The following SKIC3 variants were observed in gnomAD, a reference collection of about 807,000 sequenced individuals.
SKIC3 encodes SKI3 subunit of superkiller complex.
the SKIC3 span, chr5:95,522,334 C>T: frequency 6.2e-7 from 1 of 1,610,384 alleles, no homozygotes; most frequent in Non-Finnish European, 8.5e-7. Flanking sequence ...CGTAAGAGAA[C>T]TAAAAGTATG....
At chr5:95,550,434 A>T in the SKIC3 span, 1 of 151,674 alleles carries the variant, frequency 6.6e-6, no homozygotes, top group African/African-American at 2.4e-5. Flanking sequence ...ATCTAATAAC[A>T]AAAGGTATTT....
At chr5:95,526,086 T>C in the SKIC3 span, among the ~76,000 whole-genome samples, 1 of 152,160 alleles carries the variant, frequency 6.6e-6, no homozygotes, top group African/African-American at 2.4e-5. Flanking sequence ...ATAACCACAT[T>C]ACCATTATCA....
At chr5:95,537,034 T>A in the SKIC3 span, 6 of 1,612,500 alleles carry the variant, frequency 3.7e-6, no homozygotes, top group Non-Finnish European at 5.1e-6. Context: ...ATTTAAAAAA[T>A]CAACTTACTT....
the SKIC3 span, chr5:95,541,396 AAC>A: frequency 6.6e-5 from 107 of 1,609,640 alleles, no homozygotes; most frequent in South Asian, 7.7e-5. Context: ...AACAAAACAA[AAC>A]ACACACACAC....
At chr5:95,490,504 A>ATATT in the SKIC3 span, among the ~76,000 whole-genome samples, 7,089 of 144,076 alleles carry the variant, frequency 0.049, 217 homozygotes, top group East Asian at 0.092. Context: ...ATATATATAT[A>ATATT]TTTTTTTTTT....
chr5:95,532,620 T>C, the SKIC3 span, among the ~76,000 whole-genome samples: 10 of 152,196 alleles, frequency 6.6e-5, no homozygotes, highest in Non-Finnish European at 8.8e-5. Context: ...ATAGAATTCA[T>C]TGCTTTTGAA....
At chr5:95,509,487 T>C in the SKIC3 span, 4 of 831,876 alleles carry the variant, frequency 4.8e-6, no homozygotes, top group East Asian at 1.1e-4. Flanking sequence ...GGCGTGAACA[T>C]CCCCTGGCTT....
chr5:95,525,233 T>C, the SKIC3 span, among the ~76,000 whole-genome samples: 15 of 152,190 alleles, frequency 9.9e-5, no homozygotes, highest in Non-Finnish European at 1.6e-4. Flanking sequence ...TTATAGCTAC[T>C]GTACTACATG....
At chr5:95,548,033 T>C in the SKIC3 span, among the ~76,000 whole-genome samples, 1 of 152,226 alleles carries the variant, frequency 6.6e-6, no homozygotes, top group Admixed American at 6.5e-5. Flanking sequence ...AAGTATTTCT[T>C]CATTTAGTCT....
the SKIC3 span, chr5:95,537,225 A>G: frequency 8.6e-7 from 1 of 1,157,008 alleles, no homozygotes; most frequent in East Asian, 2.5e-5. Context: ...CACAAACTAC[A>G]CGTTCAATTA....
the SKIC3 span, chr5:95,464,409 T>A: frequency 7.1e-6 from 3 of 421,160 alleles, no homozygotes; most frequent in African/African-American, 4.7e-5. Context: ...CAAATTAAAT[T>A]TTTTTTTTTT....
At chr5:95,547,215 A>C in the SKIC3 span, 3 of 1,470,080 alleles carry the variant, frequency 2.0e-6, no homozygotes, top group Non-Finnish European at 2.8e-6. Flanking sequence ...ATGTTCCAAC[A>C]AACTTAGCCA....
the SKIC3 span, among the ~76,000 whole-genome samples, chr5:95,474,943 T>C: frequency 6.6e-6 from 1 of 152,218 alleles, no homozygotes; most frequent in Non-Finnish European, 1.5e-5. Context: ...TAGTGAATTT[T>C]TCAGCTCTGG....
At chr5:95,551,564 T>TG in the SKIC3 span, among the ~76,000 whole-genome samples, 2 of 152,182 alleles carry the variant, frequency 1.3e-5, no homozygotes, top group Non-Finnish European at 2.9e-5. Context: ...AGTACAAACT[T>TG]GACTATTTCA....
chr5:95,466,655 G>A, the SKIC3 span, among the ~76,000 whole-genome samples: 2 of 152,186 alleles, frequency 1.3e-5, no homozygotes, highest in African/African-American at 4.8e-5. Context: ...CAAGACCAGT[G>A]ACAATTCATG....
the SKIC3 span, among the ~76,000 whole-genome samples, chr5:95,506,287 CA>C: frequency 6.6e-6 from 1 of 152,158 alleles, no homozygotes; most frequent in East Asian, 1.9e-4. Flanking sequence ...AAAGATGTAG[CA>C]CTAATCCTAA....
chr5:95,540,574 A>G, the SKIC3 span: 1 of 1,346,762 alleles, frequency 7.4e-7, no homozygotes, highest in Non-Finnish European at 1.0e-6. Context: ...AAAGATGTTC[A>G]ACATTACTAT....
chr5:95,508,908 T>C, the SKIC3 span, among the ~76,000 whole-genome samples: 3 of 152,232 alleles, frequency 2.0e-5, no homozygotes, highest in African/African-American at 4.8e-5. Flanking sequence ...TCTTGTCTCA[T>C]TGAACACATG....
At chr5:95,499,975 T>G in the SKIC3 span, among the ~76,000 whole-genome samples, 8 of 152,236 alleles carry the variant, frequency 5.3e-5, no homozygotes, top group South Asian at 2.1e-4. Context: ...ATAAGAATTA[T>G]TATGAATTTT....
Sources: gnomAD v4.1 joint callset for allele counts (sites outside exome capture counted in the v4.1 genomes callset) on GRCh38, gnomAD v4.1.1 for gene constraint, MANE v1.5 for transcripts, NCBI Gene and HGNC (gene_info 2026-07-23, HGNC 2026-07-21) for gene names.